TRPC5: variants seen among roughly 807,000 people sequenced by gnomAD.
TRPC5 encodes the protein short transient receptor potential channel 5.
TRPC5 carries 9 observed loss-of-function variants against 56.5 expected under a neutral mutation model. That is an observed-to-expected ratio of 0.16 (90% CI 0.10 to 0.28). The LOEUF (loss-of-function observed/expected upper bound fraction) is 0.28, where lower values mean the gene tolerates loss of function less well. Ranked by LOEUF, TRPC5 falls within the 10% of genes least tolerant of loss-of-function variation. The pLI is 1.00. For missense variants in TRPC5, 469 were observed against 748.9 expected, an observed-to-expected ratio of 0.63 and a Z score of 4.36; for synonymous variants, 282 against 278.5, an observed-to-expected ratio of 1.01 and a Z score of -0.13.
chrX:111,782,806 AACACACACACACAC>A (rs1186498788), intron 7 of TRPC5, among the ~76,000 whole-genome samples: 1 of 92,116 alleles, frequency 1.1e-5, no homozygotes, highest in Non-Finnish European at 2.1e-5. Context: ...CATTATAATC[AACACACACACACAC>A]ACACACACAC....
intron 1 of TRPC5, among the ~76,000 whole-genome samples, chrX:112,018,708 C>T (rs1254529783): frequency 8.9e-6 from 1 of 112,335 alleles, no homozygotes; most frequent in Non-Finnish European, 1.9e-5. Context: ...TATTAATTCA[C>T]AGTTTCTGTG....
intron 1 of TRPC5, among the ~76,000 whole-genome samples, chrX:112,005,035 A>C (rs1469165534): frequency 1.1e-4 from 12 of 111,538 alleles, no homozygotes; most frequent in Admixed American, 5.7e-4. Flanking sequence ...GCTTCATGTC[A>C]TTGCTATCGT....
chrX:111,953,932 T>G (rs1401858618), intron 1 of TRPC5, among the ~76,000 whole-genome samples: 3 of 111,723 alleles, frequency 2.7e-5, no homozygotes, highest in Non-Finnish European at 5.6e-5. Flanking sequence ...TCTCCACATC[T>G]AAATCCCAAG....
chrX:111,794,602 C>T (rs1946046382), intron 7 of TRPC5, among the ~76,000 whole-genome samples: 1 of 111,544 alleles, frequency 9.0e-6, no homozygotes, highest in Admixed American at 9.6e-5. Flanking sequence ...AACAAAATAC[C>T]ATTAACTGAG....
Position 111,847,218 on chromosome X carries a change from G to C in TRPC5, c.1596C>G (p.Ala532=). The change falls in exon 6 of 11, where the codon GCC becomes GCG. Residue 532 remains alanine (A), a synonymous_variant. Transcript: ENST00000262839. The part of the protein sequence containing the change: ...FIYCLVLLAF[A]NGLNQLYFYY... The stretch of plus-strand genomic sequence containing the variant: ...AGAAGTAAAGCTGGTTCAGTCCATT[G>C]GCAAAAGCTAGTAGTACCAGGCAGT... 4 of 1,211,677 alleles carry C rather than the reference G, an allele frequency of 3.3e-6. No homozygotes were observed. The highest frequency in any genetic ancestry group is 4.5e-6 in the Non-Finnish European group (4 of 895,518).
At chrX:112,042,321 T>G (rs989867171) in intron 1 of TRPC5, among the ~76,000 whole-genome samples, 51 of 111,336 alleles carry the variant, frequency 4.6e-4, no homozygotes, top group African/African-American at 1.6e-3. Flanking sequence ...TGCTGAACAT[T>G]TGGAGGAAAA....
intron 1 of TRPC5, among the ~76,000 whole-genome samples, chrX:112,061,883 T>C (rs952754658): frequency 1.8e-5 from 2 of 112,165 alleles, no homozygotes; most frequent in African/African-American, 6.5e-5. Context: ...AGTGAACTTA[T>C]AACTGGAAGT....
intron 7 of TRPC5, among the ~76,000 whole-genome samples, chrX:111,787,888 C>T (rs1945981870): frequency 9.0e-6 from 1 of 111,285 alleles, no homozygotes; most frequent in African/African-American, 3.3e-5. Context: ...CTGAATAGGT[C>T]AATAACAGGC....
intron 1 of TRPC5, among the ~76,000 whole-genome samples, chrX:112,038,847 ATT>A (rs750713100): frequency 5.7e-5 from 5 of 88,224 alleles, no homozygotes; most frequent in African/African-American, 2.1e-4. Context: ...ATGCCCGGCT[ATT>A]TTTTTTTTTT....
At chrX:111,993,619 T>C (rs1928429166) in intron 1 of TRPC5, among the ~76,000 whole-genome samples, 1 of 112,510 alleles carries the variant, frequency 8.9e-6, no homozygotes, top group Non-Finnish European at 1.9e-5. Flanking sequence ...TTGTATCTCA[T>C]TGCGGTTTTG....
intron 1 of TRPC5, among the ~76,000 whole-genome samples, chrX:112,060,706 C>A (rs1005570714): frequency 9.0e-6 from 1 of 111,540 alleles, no homozygotes; most frequent in African/African-American, 3.3e-5. Flanking sequence ...TCACTTTGTG[C>A]AATATGATAT....
intron 1 of TRPC5, among the ~76,000 whole-genome samples, chrX:111,968,235 C>G (rs1927663817): frequency 9.0e-6 from 1 of 111,273 alleles, no homozygotes; most frequent in Non-Finnish European, 1.9e-5. Flanking sequence ...TGCTCATCAT[C>G]ACTGGCCATC....
chrX:112,040,996 G>A (rs1287556957), intron 1 of TRPC5, among the ~76,000 whole-genome samples: 3 of 112,345 alleles, frequency 2.7e-5, no homozygotes, highest in African/African-American at 6.5e-5. Flanking sequence ...AAGTCTTGGA[G>A]GCAGTGTAAG....
At chrX:111,986,649 T>C (rs908933397) in intron 1 of TRPC5, among the ~76,000 whole-genome samples, 1 of 111,074 alleles carries the variant, frequency 9.0e-6, no homozygotes, top group Non-Finnish European at 1.9e-5. Flanking sequence ...AGAGGCCTAC[T>C]TAACTGGCAA....
chrX:112,072,011 C>T (rs752234301), intron 1 of TRPC5, among the ~76,000 whole-genome samples: 8 of 112,233 alleles, frequency 7.1e-5, no homozygotes, highest in African/African-American at 1.6e-4. Flanking sequence ...TTCTTTTCTC[C>T]GACTTACCTC....
intron 1 of TRPC5, among the ~76,000 whole-genome samples, chrX:111,994,997 C>T (rs1362754177): frequency 9.0e-6 from 1 of 111,728 alleles, no homozygotes; most frequent in East Asian, 2.8e-4. Context: ...ACTTCCAACA[C>T]TATGTTGAAT....
At chrX:111,911,746 T>C (rs1925824329) in intron 3 of TRPC5, among the ~76,000 whole-genome samples, 1 of 112,054 alleles carries the variant, frequency 8.9e-6, no homozygotes, top group African/African-American at 3.2e-5. Context: ...TATGACTTCA[T>C]CTTTCAAATG....
intron 1 of TRPC5, among the ~76,000 whole-genome samples, chrX:112,053,216 G>A (rs1466108176): frequency 8.9e-6 from 1 of 112,131 alleles, no homozygotes; most frequent in Non-Finnish European, 1.9e-5. Context: ...GAGTTTACTC[G>A]TGGGTATACA....
chrX:111,852,675 C>A (rs1207396639), intron 4 of TRPC5, among the ~76,000 whole-genome samples: 1 of 111,938 alleles, frequency 8.9e-6, no homozygotes, highest in East Asian at 2.8e-4. Context: ...CTGGGTACTA[C>A]TCTTAGCATT....
Sources: gnomAD v4.1 joint callset for allele counts (sites outside exome capture counted in the v4.1 genomes callset) on GRCh38, gnomAD v4.1.1 for gene constraint, MANE v1.5 for transcripts, NCBI Gene and HGNC (gene_info 2026-07-23, HGNC 2026-07-21) for gene names.